DRC1: variants seen among roughly 807,000 people sequenced by gnomAD.
DRC1 encodes the protein dynein regulatory complex protein 1.
DRC1 carries 74 observed loss-of-function variants against 98.7 expected under a neutral mutation model. That is an observed-to-expected ratio of 0.75 (90% CI 0.62 to 0.91). DRC1 has a LOEUF of 0.91. DRC1 is among the 40% of genes least tolerant of loss of function. The probability of loss-of-function intolerance (pLI) is 0.00; values close to 1 mark genes in which losing one functional copy is unlikely to be tolerated. For synonymous variants in DRC1, 336 were observed against 334.1 expected, an observed-to-expected ratio of 1.01 and a Z score of -0.06; for missense variants, 875 against 886.0, an observed-to-expected ratio of 0.99 and a Z score of 0.16.
intron 11 of DRC1, 30 bp downstream of exon 11, chr2:26,448,833 G>C: frequency 6.2e-7 from 1 of 1,607,268 alleles, no homozygotes; most frequent in Non-Finnish European, 8.5e-7. Context: ...GCAGCAGAGG[G>C]ACTCACGGGG....
intron 7 of DRC1, among the ~76,000 whole-genome samples, chr2:26,437,287 A>AT (rs1663597907): frequency 6.6e-6 from 1 of 152,210 alleles, no homozygotes; most frequent in Non-Finnish European, 1.5e-5. Context: ...CATTGAAATG[A>AT]GGCTGTGCTG....
rs1334731893 is a variant in DRC1, at chr2:26,414,353, T to C, written c.165T>C (p.Leu55=). 2 of 1,613,666 alleles carry C rather than the reference T, an allele frequency of 1.2e-6. No homozygotes were observed. The highest frequency in any genetic ancestry group is 1.7e-6 in the Non-Finnish European group (2 of 1,179,884). The change falls in exon 2 of 17, where the codon CTT becomes CTC. Residue 55 remains leucine, a synonymous_variant. Coordinates refer to ENST00000288710, the MANE Select transcript of DRC1 (RefSeq NM_145038.5). ...CTTTTTTCCATCACAGGGAAGCACT[T>C]GGAGAATATTTAGATGGGAAGAAGG... ...ARLEARRREA[L]GEYLDGKKES...
intron 1 of DRC1, among the ~76,000 whole-genome samples, chr2:26,404,425 G>A (rs1678354113): frequency 6.6e-6 from 1 of 152,226 alleles, no homozygotes; most frequent in Non-Finnish European, 1.5e-5. Context: ...TACTGTGCCT[G>A]AGGCTGTACA....
chr2:26,440,017 A>C (rs1663676774), intron 7 of DRC1, among the ~76,000 whole-genome samples: 1 of 148,086 alleles, frequency 6.8e-6, no homozygotes, highest in South Asian at 2.1e-4. Context: ...CTTTATTTGC[A>C]TACAATTTTA....
chr2:26,454,136 TGGTG>T lies in DRC1; in HGVS notation c.1920-504_1920-501del, dbSNP rs987633192. ...GCCCAAGATCTTTGTCTTTACCCGTTGGTGGGTGGGAGCCAGAAAAGGATTTGAA... is the reference window on the plus strand; with the variant it reads ...GCCCAAGATCTTTGTCTTTACCCGTTGGTGGGAGCCAGAAAAGGATTTGAA... On this transcript the variant is annotated intron_variant, in intron 14 of 16. Coordinates refer to ENST00000288710, the MANE Select transcript of DRC1 (RefSeq NM_145038.5). This position sits in a 1 kb window ranked among gnomAD's most constrained non-coding sequence, Gnocchi z 5.2. Among the ~76,000 whole-genome samples the T allele has an allele frequency of 2.0e-5, 3 of 152,028 alleles. No homozygotes were observed. The highest frequency in any genetic ancestry group is 6.5e-5 in the Admixed American group (1 of 15,272).
intron 4 of DRC1, among the ~76,000 whole-genome samples, chr2:26,425,905 G>C (rs1663272213): frequency 6.6e-6 from 1 of 151,904 alleles, no homozygotes; most frequent in African/African-American, 2.4e-5. Context: ...ACATTTTTGA[G>C]TTTGGTGCAG....
chr2:26,422,278 A>G (rs982540681), intron 3 of DRC1, among the ~76,000 whole-genome samples: 1 of 152,236 alleles, frequency 6.6e-6, no homozygotes, highest in African/African-American at 2.4e-5. Context: ...AAGAAGGTCA[A>G]CTGGGCAGTC....
chr2:26,421,254 C>G (rs753766730), intron 2 of DRC1, 34 bp from the exon 3 acceptor site: 33 of 1,581,346 alleles, frequency 2.1e-5, no homozygotes, highest in South Asian at 1.1e-5. Context: ...ACAAAGTGTT[C>G]TAGCTTTGTA....
chr2:26,438,912 C>T (rs1663641680), intron 7 of DRC1, among the ~76,000 whole-genome samples: 1 of 152,208 alleles, frequency 6.6e-6, no homozygotes, highest in African/African-American at 2.4e-5. Context: ...TCGGGAGAAG[C>T]AGGAGCATGC....
chr2:26,438,841 C>T (rs927031504), intron 7 of DRC1, among the ~76,000 whole-genome samples: 4 of 152,158 alleles, frequency 2.6e-5, no homozygotes, highest in African/African-American at 4.8e-5. Context: ...ATAGCACACA[C>T]GTGGCAGTTT....
chr2:26,455,142 C>T lies in DRC1; in HGVS notation c.2075C>T (p.Thr692Ile). The T allele has an allele frequency of 1.2e-6, 2 of 1,614,046 alleles. No homozygotes were observed. The highest frequency in any genetic ancestry group is 2.2e-5 in the East Asian group (1 of 44,872). The change falls in exon 16 of 17, where the codon ACC (threonine) becomes ATC (isoleucine). Residue 692 changes from threonine (T) to isoleucine (I), a missense_variant. Coordinates refer to ENST00000288710, the MANE Select transcript of DRC1 (RefSeq NM_145038.5). ...TTTTCTGTCCAAAGCCTTGTCCTGA[C>T]CCAGAGGGCCAAGCTGCTGCTGGAA... ...TALEKYHLVLTQRAKLLLENS... is the reference protein window; with the variant it reads ...TALEKYHLVLIQRAKLLLENS...
At chr2:26,421,748 C>T (rs1467124018) in intron 3 of DRC1, among the ~76,000 whole-genome samples, 12 of 151,914 alleles carry the variant, frequency 7.9e-5, no homozygotes, top group Admixed American at 6.6e-4. Flanking sequence ...TTAGTAGAGA[C>T]GGGGTTTCAC....
intron 14 of DRC1, 123 bp downstream of exon 14, chr2:26,453,672 A>G (rs936796668): frequency 9.0e-6 from 9 of 1,003,408 alleles, no homozygotes; most frequent in Non-Finnish European, 1.0e-5. Flanking sequence ...GACTAAGGAC[A>G]GGGCTATCTG....
chr2:26,444,496 G>A lies in DRC1; in HGVS notation c.1163+140G>A, dbSNP rs374560297. On this transcript the variant is annotated intron_variant, in intron 9 of 16. Transcript: ENST00000288710. ...ACCAGGCACTAGTTAACCTTTTGTGGTGTGTTCCCCTGGCCCTTCACTTGC... is the reference window on the plus strand; with the variant it reads ...ACCAGGCACTAGTTAACCTTTTGTGATGTGTTCCCCTGGCCCTTCACTTGC... 7 of 1,244,180 alleles carry A rather than the reference G, an allele frequency of 5.6e-6. No homozygotes were observed. In the African/African-American group the frequency reaches 1.1e-4, roughly 19 times the overall value. 77.1% of individuals were successfully genotyped at this position (1,244,180 alleles called of 1,614,324 possible).
chr2:26,449,911 G>T, intron 11 of DRC1, 85 bp from the exon 12 acceptor site: 1 of 1,230,332 alleles, frequency 8.1e-7, no homozygotes, highest in Non-Finnish European at 1.2e-6. Flanking sequence ...GGTCCCTGGA[G>T]TGTTACACAG....
At chr2:26,430,949 T>C (rs11679913) in intron 6 of DRC1, 77 bp downstream of exon 6, 1 of 1,118,888 alleles carries the variant, frequency 8.9e-7, no homozygotes, top group South Asian at 1.7e-5. Context: ...CTAGCTAGCC[T>C]TTTTCTATCT....
In DRC1 at chr2:26,431,979, CA is replaced by C; in HGVS notation, c.863del (p.Lys288ArgfsTer24). 1.2e-6 allele frequency: 2 copies of C among 1,614,114 alleles called. No homozygotes were observed. Among genetic ancestry groups the C allele is most frequent in the Non-Finnish European group, 1.7e-6 (2 of 1,179,986 alleles). On this transcript the variant is annotated frameshift_variant, in exon 7 of 17. Transcript: ENST00000288710. LOFTEE classifies it high-confidence loss of function. ...GGGATTGCGAAGAATACAACATGAT[CA>C]AGATCAAGCTGGAGCAGGATGTGCA... ...IWDCEEYNMI[K>X]IKLEQDVQIL...
At chr2:26,431,818 C>T in intron 6 of DRC1, 66 bp from the exon 7 acceptor site, 1 of 1,596,228 alleles carries the variant, frequency 6.3e-7, no homozygotes, top group Non-Finnish European at 8.5e-7. Context: ...CTGGGCAGGC[C>T]ATCCGAAGGA....
At chr2:26,448,958 C>T (rs1429629344) in intron 11 of DRC1, among the ~76,000 whole-genome samples, 155 bp downstream of exon 11, 1 of 152,262 alleles carries the variant, frequency 6.6e-6, no homozygotes, top group Non-Finnish European at 1.5e-5. Context: ...CAGGATGGCC[C>T]CTGGACTTCA....
Sources: gnomAD v4.1 joint callset for allele counts (sites outside exome capture counted in the v4.1 genomes callset) on GRCh38, gnomAD v4.1.1 for gene constraint, Gnocchi (gnomAD v3.1) non-coding constraint, MANE v1.5 for transcripts, NCBI Gene and HGNC (gene_info 2026-07-23, HGNC 2026-07-21) for gene names.